The following GPC5 variants were observed in gnomAD, a reference collection of about 807,000 sequenced individuals.
GPC5 encodes the protein glypican-5.
A neutral mutation model predicts 53.9 loss-of-function variants in GPC5; 47 were observed. The observed-to-expected ratio is 0.87, with a 90% CI of 0.69 to 1.11. The LOEUF is 1.11. Among genes scored for constraint, GPC5 ranks in the 50% most tolerant of loss-of-function variants. The pLI, the probability that GPC5 is intolerant of heterozygous loss-of-function variation, is 0.00. For synonymous variants in GPC5, 286 were observed against 263.3 expected, an observed-to-expected ratio of 1.09 and a Z score of -0.84; for missense variants, 748 against 713.1, an observed-to-expected ratio of 1.05 and a Z score of -0.56.
intron 7 of GPC5, among the ~76,000 whole-genome samples, chr13:92,630,755 T>C (rs931512610): frequency 6.6e-6 from 1 of 152,164 alleles, no homozygotes; most frequent in African/African-American, 2.4e-5. Context: ...TCACAATCCA[T>C]ATGCTGGCCT....
chr13:91,676,163 C>A (rs2139704811), intron 2 of GPC5, among the ~76,000 whole-genome samples: 1 of 152,254 alleles, frequency 6.6e-6, no homozygotes, highest in Middle Eastern at 3.4e-3. Context: ...CTCCACCTCC[C>A]AGGTTCAAGC....
At chr13:92,194,308 C>A (rs1194220388) in intron 7 of GPC5, among the ~76,000 whole-genome samples, 2 of 152,200 alleles carry the variant, frequency 1.3e-5, no homozygotes. Flanking sequence ...GAGCAACACT[C>A]AGGACATGAC....
chr13:92,476,213 C>T (rs1879121633), intron 7 of GPC5, among the ~76,000 whole-genome samples: 1 of 151,988 alleles, frequency 6.6e-6, no homozygotes, highest in Non-Finnish European at 1.5e-5. Context: ...AACAAACAAC[C>T]CCATCAAAAA....
At chr13:92,179,389 A>G (rs1335554075) in intron 7 of GPC5, among the ~76,000 whole-genome samples, 1 of 152,178 alleles carries the variant, frequency 6.6e-6, no homozygotes, top group African/African-American at 2.4e-5. Flanking sequence ...GTTTCTGATG[A>G]CTTTGTTTTC....
chr13:91,569,856 C>T (rs1427542517), intron 2 of GPC5, among the ~76,000 whole-genome samples: 1 of 152,168 alleles, frequency 6.6e-6, no homozygotes, highest in Non-Finnish European at 1.5e-5. Context: ...CCTCAGGAGA[C>T]ACTGAACCAG....
chr13:92,646,954 G>GTGTGTA (rs1566340435), intron 7 of GPC5, among the ~76,000 whole-genome samples: 2 of 150,658 alleles, frequency 1.3e-5, no homozygotes, highest in Non-Finnish European at 2.9e-5. Context: ...GTGTGTGTGT[G>GTGTGTA]TGTGTGTGTG....
At chr13:91,839,182 G>C (rs115902074) in intron 5 of GPC5, among the ~76,000 whole-genome samples, 1,897 of 152,068 alleles carry the variant, frequency 0.012, 52 homozygotes, top group African/African-American at 0.044. Context: ...ATGAACACTT[G>C]TTTATTTATT....
At chr13:91,669,188 G>GC (rs112151311) in intron 2 of GPC5, among the ~76,000 whole-genome samples, 9,966 of 152,060 alleles carry the variant, frequency 0.066, 552 homozygotes, top group East Asian at 0.26. Flanking sequence ...GTATTACTGT[G>GC]CCCCCCCGAC....
intron 2 of GPC5, among the ~76,000 whole-genome samples, chr13:91,464,650 A>T (rs111927706): frequency 1.3e-5 from 2 of 152,158 alleles, no homozygotes; most frequent in Non-Finnish European, 2.9e-5. Context: ...ATGGAGAAAG[A>T]TAAGTTGTGG....
intron 7 of GPC5, among the ~76,000 whole-genome samples, chr13:92,714,937 G>C (rs967026741): frequency 1.3e-5 from 2 of 152,040 alleles, no homozygotes; most frequent in African/African-American, 2.4e-5. Flanking sequence ...ATGGTGGTGG[G>C]TGCCTGGAAT....
At chr13:91,705,701 C>A (rs957124290) in intron 3 of GPC5, among the ~76,000 whole-genome samples, 1 of 149,852 alleles carries the variant, frequency 6.7e-6, no homozygotes, top group South Asian at 2.2e-4. Context: ...ACACCCCCCC[C>A]CCCATATTTC....
At chr13:91,519,072 A>T (rs958058459) in intron 2 of GPC5, among the ~76,000 whole-genome samples, 2 of 152,176 alleles carry the variant, frequency 1.3e-5, no homozygotes, top group Admixed American at 1.3e-4. Flanking sequence ...TTTTCCGTGA[A>T]TTAGCTAAAG....
At chr13:92,752,479 G>A (rs1889437244) in intron 7 of GPC5, among the ~76,000 whole-genome samples, 1 of 152,172 alleles carries the variant, frequency 6.6e-6, no homozygotes, top group Non-Finnish European at 1.5e-5. Context: ...CTGGATGGGG[G>A]GAGGAGCCAA....
chr13:92,106,403 T>G (rs1055812348), intron 6 of GPC5, among the ~76,000 whole-genome samples: 1 of 152,100 alleles, frequency 6.6e-6, no homozygotes, highest in Non-Finnish European at 1.5e-5. Context: ...TTTATTTTAA[T>G]TATATGACAC....
chr13:91,571,892 T>TGTATACACAC lies in GPC5; in HGVS notation c.326-121295_326-121294insGTATACACAC, dbSNP rs1566516035. 1.5e-4 allele frequency among the ~76,000 whole-genome samples: 11 copies of TGTATACACAC among 73,052 alleles called. 2 individuals are homozygous for TGTATACACAC. Among genetic ancestry groups the TGTATACACAC allele is most frequent in the African/African-American group, 2.0e-4 (2 of 9,882 alleles). 47.9% of individuals were successfully genotyped at this position (73,052 alleles called of 152,430 possible). Reference sequence around the variant, plus strand: ...GTATATATACACACATATACGTGTGTATATACACATATTGTATATATACAC... The same window carrying TGTATACACAC: ...GTATATATACACACATATACGTGTGTGTATACACACATATACACATATTGTATATATACAC... On this transcript the variant is annotated intron_variant, in intron 2 of 7. Transcript: ENST00000377067.
rs968166960 is a variant in GPC5 at position 92,503,922 on chromosome 13, G to A, written c.1561+358933G>A. On this transcript the variant is annotated intron_variant, in intron 7 of 7. Coordinates refer to ENST00000377067, the MANE Select transcript of GPC5 (RefSeq NM_004466.6). ...AAGATTGTTTCTGATAAATTCTAGG[G>A]AACATTTAAAGAAGAGTTATTTTGT... is the stretch of plus-strand genomic sequence containing the variant. Among the ~76,000 whole-genome samples the A allele has an allele frequency of 2.0e-5, 3 of 151,770 alleles. No homozygotes were observed. In the East Asian group the frequency reaches 5.8e-4, roughly 29 times the overall value.
chr13:92,331,683 T>G (rs1361542641), intron 7 of GPC5, among the ~76,000 whole-genome samples: 7 of 44,816 alleles, frequency 1.6e-4, no homozygotes, highest in East Asian at 6.0e-4. Flanking sequence ...ATACATAGGG[T>G]TTTTTTTTTT....
chr13:92,136,450 T>C lies in GPC5; in HGVS notation c.1402-8380T>C, dbSNP rs543173955. Among the ~76,000 whole-genome samples the C allele has an allele frequency of 7.9e-4, 121 of 152,306 alleles. 1 individual carries two copies. The highest frequency in any genetic ancestry group is 1.5e-3 in the Non-Finnish European group (104 of 68,014). ...TATAATTTTTCTATACCTTCAGTTT[T>C]CTGGTTTGAATTTTTTCTGGCAACA... On this transcript the variant is annotated intron_variant, in intron 6 of 7. Transcript: ENST00000377067.
intron 3 of GPC5, among the ~76,000 whole-genome samples, chr13:91,712,629 A>C (rs1024373496): frequency 6.6e-6 from 1 of 152,172 alleles, no homozygotes; most frequent in Non-Finnish European, 1.5e-5. Flanking sequence ...CGTAACCCAC[A>C]ACAGAAGATA....
Sources: allele counts gnomAD v4.1 joint callset (sites outside exome capture counted in the v4.1 genomes callset), GRCh38; gene constraint gnomAD v4.1.1; transcripts MANE v1.5; gene names NCBI Gene and HGNC (gene_info 2026-07-23, HGNC 2026-07-21).